Variants in PPP1R13L observed in about 807,000 individuals in gnomAD.
PPP1R13L encodes the protein relA-associated inhibitor.
In PPP1R13L, 50 loss-of-function variants were observed where a neutral mutation model predicts 80.9. The ratio of observed to expected loss-of-function variants is 0.62; its 90% CI spans 0.49 to 0.78. PPP1R13L has a LOEUF of 0.78. Ranked by LOEUF, PPP1R13L falls within the 30% of genes least tolerant of loss-of-function variation. PPP1R13L has a pLI of 0.00. For synonymous variants in PPP1R13L, 602 were observed against 534.3 expected, an observed-to-expected ratio of 1.13 and a Z score of -1.75; for missense variants, 1,200 against 1,205.9, an observed-to-expected ratio of 1.00 and a Z score of 0.07.
chr19:45,391,809 T>C, intron 8 of PPP1R13L, 71 bp downstream of exon 8: 1 of 1,229,968 alleles, frequency 8.1e-7, no homozygotes, highest in Non-Finnish European at 1.1e-6. Flanking sequence ...CCACTATATT[T>C]GGGGGGCTCT....
chr19:45,399,351 G>T (rs1037024395), intron 1 of PPP1R13L, among the ~76,000 whole-genome samples: 1 of 150,772 alleles, frequency 6.6e-6, no homozygotes, highest in East Asian at 2.0e-4. Context: ...TCCGCCGGGC[G>T]CGGTGGCTCA....
At chr19:45,392,603 C>T in intron 7 of PPP1R13L, 2 of 578,670 alleles carry the variant, frequency 3.5e-6, no homozygotes, top group Non-Finnish European at 6.3e-6. Flanking sequence ...GAGGTAGATA[C>T]ACTGCCATCT....
At chr19:45,388,006 T>C (rs1211799221) in intron 8 of PPP1R13L, among the ~76,000 whole-genome samples, 1 of 151,754 alleles carries the variant, frequency 6.6e-6, no homozygotes, top group Non-Finnish European at 1.5e-5. Flanking sequence ...CTGTCTCTAC[T>C]AAAAATACAA....
rs1461287528 is a variant in PPP1R13L, at chr19:45,391,912, G to A, written c.1783C>T (p.Gln595Ter). The A allele has an allele frequency of 1.3e-6, 2 of 1,497,180 alleles. No individual in the cohort carries two copies. The highest frequency in any genetic ancestry group is 2.4e-5 in the Admixed American group (1 of 41,476). 92.7% of individuals were successfully genotyped at this position (1,497,180 alleles called of 1,614,324 possible). ...PAPIPPPAPS[Q>*]SSPPEQPQSM... The stretch of plus-strand genomic sequence containing the variant: ...TGCGGCTGCTCTGGTGGGCTGCTCT[G>A]GGACGGGGCCGGGGGTGGAATGGGA... The change falls in exon 8 of 13, where the codon CAG (glutamine) becomes TAG (stop). Residue 595 changes from glutamine to a stop codon, truncating the protein, a stop_gained. Coordinates refer to ENST00000360957, the MANE Select transcript of PPP1R13L (RefSeq NM_006663.4). LOFTEE classifies it high-confidence loss of function.
chr19:45,390,917 G>A (rs1972959751), intron 8 of PPP1R13L, among the ~76,000 whole-genome samples: 1 of 152,104 alleles, frequency 6.6e-6, no homozygotes, highest in Non-Finnish European at 1.5e-5. Context: ...AGAGAGCAAA[G>A]CCAGGAACAG....
At chr19:45,382,996 C>CTTTTTTTTTTTTTT (rs60366714) in intron 11 of PPP1R13L, among the ~76,000 whole-genome samples, 12 of 126,268 alleles carry the variant, frequency 9.5e-5, no homozygotes, top group East Asian at 2.3e-4. Context: ...TCTTTTCTTT[C>CTTTTTTTTTTTTTT]TTTTTTTTTT....
upstream of PPP1R13L, among the ~76,000 whole-genome samples, chr19:45,405,631 T>G (rs530835365): frequency 1.3e-5 from 2 of 152,344 alleles, no homozygotes; most frequent in African/African-American, 4.8e-5. Flanking sequence ...AGATCCTGGA[T>G]AGGGGAAACA....
chr19:45,382,992 C>CTTTCT (rs1177952022), intron 11 of PPP1R13L, among the ~76,000 whole-genome samples: 4 of 88,648 alleles, frequency 4.5e-5, no homozygotes, highest in African/African-American at 1.5e-4. Context: ...CATTTCTTTT[C>CTTTCT]TTTCTTTTTT....
At chr19:45,383,458 C>A (rs540643742) in intron 11 of PPP1R13L, among the ~76,000 whole-genome samples, 8 of 151,728 alleles carry the variant, frequency 5.3e-5, no homozygotes, top group Middle Eastern at 6.8e-3. Flanking sequence ...CCATGCCTGG[C>A]CAATTTTTGT....
At chr19:45,384,905 T>C (rs145569343) in intron 11 of PPP1R13L, among the ~76,000 whole-genome samples, 182 of 152,218 alleles carry the variant, frequency 1.2e-3, no homozygotes, top group Middle Eastern at 6.8e-3. Flanking sequence ...CAATGTCTTG[T>C]AGCCTGACCA....
Position 45,396,842 on chromosome 19 carries a change from T to C in PPP1R13L, c.415A>G (p.Thr139Ala). 6.6e-7 allele frequency: 1 copy of C among 1,507,210 alleles called. No individual in the cohort carries two copies. Among genetic ancestry groups the C allele is most frequent in the Non-Finnish European group, 8.8e-7 (1 of 1,137,530 alleles). The allele number at this position is 1,507,210 out of a possible 1,614,324, so 93.4% of individuals were successfully genotyped here. The change falls in exon 4 of 13, where the codon ACC (threonine) becomes GCC (alanine). Residue 139 changes from threonine to alanine, a missense_variant. Thr to Ala is a moderately conservative substitution (Grantham distance 58). Transcript: ENST00000360957. This position sits in a 1 kb window ranked among gnomAD's most constrained non-coding sequence, Gnocchi z 5.3. Reference sequence around the variant, plus strand: ...TCGAAGGCGCGGGGCCGGGGCGAGGTCGCGCGGTCCAGGCTGCCGTAGGCG... The same window carrying C: ...TCGAAGGCGCGGGGCCGGGGCGAGGCCGCGCGGTCCAGGCTGCCGTAGGCG... ...PDAYGSLDRA[T>A]SPRPRAFDGA...
At chr19:45,403,285 G>T (rs1431986849) in intron 1 of PPP1R13L, among the ~76,000 whole-genome samples, 1 of 152,108 alleles carries the variant, frequency 6.6e-6, no homozygotes, top group Non-Finnish European at 1.5e-5. Context: ...AGAGTGAGGG[G>T]TCCAGACTCA....
rs765806704 is a variant in PPP1R13L at position 45,396,646 on chromosome 19, G to A, written c.611C>T (p.Pro204Leu). 2.6e-4 allele frequency: 389 copies of A among 1,470,742 alleles called. No homozygotes were observed. The highest frequency in any genetic ancestry group is 3.4e-4 in the Non-Finnish European group (380 of 1,121,888). The allele number at this position is 1,470,742 out of a possible 1,614,324, so 91.1% of individuals were successfully genotyped here. ...GTCGTAGGCTGTGGCAGGGGGGCGC[G>A]GTGACGGCCCACGCTCGGGGAAGAA... The part of the protein sequence containing the change: ...QAFFPERGPS[P>L]RPPATAYDAP... The change falls in exon 4 of 13, where the codon CCG (proline) becomes CTG (leucine). Residue 204 changes from proline to leucine, a missense_variant. By Grantham distance (98) the Pro-to-Leu change is moderately conservative. Around this residue, in one of 5 missense-constraint regions of PPP1R13L, gnomAD observed 764 missense variants for 714.5 expected, o/e 1.07. Transcript: ENST00000360957. The surrounding 1 kb of genome is among the most constrained non-coding windows in gnomAD (Gnocchi z 5.3).
intron 3 of PPP1R13L, among the ~76,000 whole-genome samples, chr19:45,397,462 T>TGCTCGC (rs1568561470): frequency 1.9e-5 from 2 of 106,914 alleles, no homozygotes; most frequent in Non-Finnish European, 3.6e-5. Context: ...CTTGCTTGCT[T>TGCTCGC]TCTCTCTCTC....
At chr19:45,390,399 A>AAAT (rs1038433539) in intron 8 of PPP1R13L, among the ~76,000 whole-genome samples, 3 of 152,170 alleles carry the variant, frequency 2.0e-5, no homozygotes, top group South Asian at 2.1e-4. Flanking sequence ...CTGGTGGTTA[A>AAAT]AATAATAATA....
rs764458455 is a variant in PPP1R13L at position 45,398,344 on chromosome 19, A to T, written c.-21-5T>A. ...GGTGCCGGCCGGAGCGGGCGCCTGC[A>T]TGGTGGGGAGGGAGGGAGCTGGCTA... On this transcript the variant is annotated splice_region_variant and splice_polypyrimidine_tract_variant and intron_variant, in intron 1 of 12. Transcript: ENST00000360957. The T allele has an allele frequency of 3.3e-5, 54 of 1,612,494 alleles. 1 individual carries two copies. The African/African-American group carries it at 4.8e-4, about 14-fold the overall frequency.
At chr19:45,390,024 T>C (rs971705026) in intron 8 of PPP1R13L, among the ~76,000 whole-genome samples, 5 of 151,970 alleles carry the variant, frequency 3.3e-5, no homozygotes, top group Admixed American at 1.3e-4. Flanking sequence ...ATCTCCTGAC[T>C]TCGTGATCCG....
In PPP1R13L at chr19:45,386,135, G is replaced by T. The variant is rs941268176; in HGVS notation, c.1861C>A (p.Arg621Ser). 6.5e-7 allele frequency: 1 copy of T among 1,544,312 alleles called. No homozygotes were observed. Among genetic ancestry groups the T allele is most frequent in the Non-Finnish European group, 8.6e-7 (1 of 1,157,756 alleles). ...ACCAGAGGGTTGAGGCGCGCGCGGC[G>T]GGCCTTGCGCGGGGAGCCCGCCTTC... Reference protein sequence around the residue: ...LRKAGSPRKARRARLNPLVLL... With the variant: ...LRKAGSPRKASRARLNPLVLL... Residue 621 changes from arginine to serine, a missense_variant, in exon 9 of 13, where the codon CGC (arginine) becomes AGC (serine). By Grantham distance (110) the Arg-to-Ser change is moderately radical. Around this residue, in one of 5 missense-constraint regions of PPP1R13L, gnomAD observed 214 missense variants for 199.6 expected, o/e 1.07. Transcript: ENST00000360957.
chr19:45,396,433 T>A lies in PPP1R13L; in HGVS notation c.716A>T (p.Asp239Val). Residue 239 changes from aspartate (D) to valine (V), a missense_variant, in exon 5 of 13, where the codon GAC becomes GTC. Physicochemically the swap from Asp to Val is radical, Grantham distance 152 (BLOSUM62 -3). Coordinates refer to ENST00000360957, the MANE Select transcript of PPP1R13L (RefSeq NM_006663.4). The surrounding 1 kb of genome is among the most constrained non-coding windows in gnomAD (Gnocchi z 5.3). ...AFAPPLRAQD[D>V]LTLRRRPPKA... ...CGGAGGCCGCCGGCGCAGCGTCAGG[T>A]CGTCTGGGGAGAAGTTTCCAGGGAG... 6.2e-7 allele frequency: 1 copy of A among 1,613,888 alleles called. No homozygotes were observed. The highest frequency in any genetic ancestry group is 8.5e-7 in the Non-Finnish European group (1 of 1,179,906).
Sources: gnomAD v4.1 joint callset for allele counts (sites outside exome capture counted in the v4.1 genomes callset) on GRCh38, gnomAD v4.1.1 for gene constraint, gnomAD v4.1.1 regional missense constraint, Gnocchi (gnomAD v3.1) non-coding constraint, MANE v1.5 for transcripts, NCBI Gene and HGNC (gene_info 2026-07-23, HGNC 2026-07-21) for gene names.